The following FNBP1 variants were observed in gnomAD, a reference collection of about 807,000 sequenced individuals.
The protein encoded by FNBP1 is formin binding protein 1.
FNBP1 carries 26 observed loss-of-function variants against 90.6 expected under a neutral mutation model. The ratio of observed to expected loss-of-function variants is 0.29; its 90% CI spans 0.21 to 0.40. The LOEUF (loss-of-function observed/expected upper bound fraction) is 0.40. Ranked by LOEUF, FNBP1 falls within the 10% of genes least tolerant of loss-of-function variation. FNBP1 has a pLI of 1.00. For synonymous variants in FNBP1, 260 were observed against 265.2 expected (o/e 0.98, Z 0.19); for missense variants, 635 against 768.0 (o/e 0.83, Z 2.05).
intron 4 of FNBP1, among the ~76,000 whole-genome samples, chr9:129,964,367 G>C (rs943296380): frequency 2.6e-5 from 4 of 152,150 alleles, no homozygotes; most frequent in Non-Finnish European, 5.9e-5. Flanking sequence ...TAGAGACCCA[G>C]AGAAATGCTT....
chr9:129,905,990 T>A (rs1245866145), intron 12 of FNBP1, among the ~76,000 whole-genome samples: 1 of 151,854 alleles, frequency 6.6e-6, no homozygotes, highest in Non-Finnish European at 1.5e-5. Context: ...TTCAAGCGAC[T>A]CTCCTGCCTC....
intron 1 of FNBP1, among the ~76,000 whole-genome samples, chr9:130,038,375 G>A (rs998594671): frequency 1.6e-5 from 2 of 121,776 alleles, no homozygotes; most frequent in Non-Finnish European, 3.5e-5. Context: ...AAAAAAAAAA[G>A]ACATACAATC....
chr9:129,992,233 C>T (rs112353686), intron 2 of FNBP1, among the ~76,000 whole-genome samples: 1,986 of 152,236 alleles, frequency 0.013, 25 homozygotes, highest in Middle Eastern at 0.031. Context: ...CTTGAGAGCT[C>T]GCACGTAGCC....
intron 1 of FNBP1, chr9:130,013,765 T>C (rs533700189): frequency 8.8e-6 from 4 of 456,616 alleles, no homozygotes; most frequent in South Asian, 1.5e-5. Context: ...AAATAAAAGA[T>C]GGCAGAGCCC....
At chr9:130,049,999 G>A in the FNBP1 span, among the ~76,000 whole-genome samples, 5 of 152,134 alleles carry the variant, frequency 3.3e-5, no homozygotes, top group Non-Finnish European at 7.3e-5. Context: ...CAGTAGCTGG[G>A]AATACAGGCC....
chr9:129,915,368 T>A (rs889142496), intron 11 of FNBP1, among the ~76,000 whole-genome samples: 2 of 152,088 alleles, frequency 1.3e-5, no homozygotes, highest in African/African-American at 2.4e-5. Flanking sequence ...TTTACGTTCA[T>A]ATATATATAT....
intron 10 of FNBP1, among the ~76,000 whole-genome samples, chr9:129,916,437 G>C (rs2040264045): frequency 1.3e-5 from 2 of 152,016 alleles, no homozygotes; most frequent in Non-Finnish European, 2.9e-5. Context: ...GACCAACACG[G>C]AGAAACCCTG....
At chr9:129,896,112 C>A in intron 15 of FNBP1, 116 bp from the exon 16 acceptor site, 1 of 1,028,998 alleles carries the variant, frequency 9.7e-7, no homozygotes, top group Non-Finnish European at 1.4e-6. Context: ...CAAAATTCAC[C>A]CCACTCGGAC....
chr9:129,916,350 G>T (rs2040250825), intron 10 of FNBP1: 1 of 183,764 alleles, frequency 5.4e-6, no homozygotes, highest in African/African-American at 2.4e-5. Context: ...GGGTGCAGTG[G>T]CTCACACCTG....
At chr9:130,030,456 A>G (rs2058708718) in intron 1 of FNBP1, among the ~76,000 whole-genome samples, 1 of 152,000 alleles carries the variant, frequency 6.6e-6, no homozygotes, top group South Asian at 2.1e-4. Flanking sequence ...AAAAAAATCT[A>G]AACATAACTA....
intron 1 of FNBP1, among the ~76,000 whole-genome samples, chr9:129,996,435 C>T (rs1187864310): frequency 2.6e-5 from 4 of 152,116 alleles, no homozygotes; most frequent in Non-Finnish European, 5.9e-5. Flanking sequence ...TTTGCTGCCT[C>T]CTGAGAGGTA....
chr9:129,974,198 G>GA (rs967405417), intron 4 of FNBP1, among the ~76,000 whole-genome samples: 1 of 151,608 alleles, frequency 6.6e-6, no homozygotes, highest in Non-Finnish European at 1.5e-5. Flanking sequence ...AAGGTATGTC[G>GA]AAAAAAACTC....
At chr9:129,916,503 G>A (rs2040273698) in intron 10 of FNBP1, among the ~76,000 whole-genome samples, 2 of 151,862 alleles carry the variant, frequency 1.3e-5, no homozygotes. Context: ...TGTAATCCCA[G>A]CTATTCAGGA....
intron 1 of FNBP1, among the ~76,000 whole-genome samples, chr9:130,027,950 A>G (rs2058498910): frequency 6.6e-6 from 1 of 151,890 alleles, no homozygotes; most frequent in Non-Finnish European, 1.5e-5. Context: ...ATAGGGTCTC[A>G]TTGTGTTGCT....
Position 129,963,616 on chromosome 9 carries a change from CTTTTT to C in FNBP1, c.346-5068_346-5064del, listed in dbSNP as rs35213636. ...GATGCCCATCTTCCTTCCTTCCAGC[CTTTTT>C]TTTTTTTTTTTTTAAAAAAACAAGT... On this transcript the variant is annotated intron_variant, in intron 4 of 16. Transcript: ENST00000446176. 4.7e-3 allele frequency among the ~76,000 whole-genome samples: 541 copies of C among 115,298 alleles called. 6 individuals are homozygous for C. Among genetic ancestry groups the C allele is most frequent in the African/African-American group, 0.017 (510 of 30,428 alleles). 75.6% of individuals were successfully genotyped at this position (115,298 alleles called of 152,430 possible).
At chr9:129,907,085 G>T (rs370631852) in intron 12 of FNBP1, among the ~76,000 whole-genome samples, 13 of 147,754 alleles carry the variant, frequency 8.8e-5, no homozygotes, top group African/African-American at 2.7e-4. Flanking sequence ...GCCCAAGCAC[G>T]TTTTTTTTTT....
chr9:129,990,914 G>A (rs1380141174), intron 2 of FNBP1, among the ~76,000 whole-genome samples: 1 of 150,550 alleles, frequency 6.6e-6, no homozygotes, highest in Non-Finnish European at 1.5e-5. Context: ...GGCAGACAGA[G>A]ATGATGATGA....
At chr9:130,017,093 G>A (rs966332092) in intron 1 of FNBP1, among the ~76,000 whole-genome samples, 2 of 152,048 alleles carry the variant, frequency 1.3e-5, no homozygotes, top group Non-Finnish European at 2.9e-5. Flanking sequence ...TAAAAAAAAG[G>A]TAATTTATGA....
At chr9:129,924,104 A>T in intron 9 of FNBP1, 78 bp from the exon 10 acceptor site, 3 of 1,386,536 alleles carry the variant, frequency 2.2e-6, no homozygotes, top group Non-Finnish European at 2.9e-6. Context: ...GCATCAAATA[A>T]TATTTGAAAT....
Sources: allele counts gnomAD v4.1 joint callset (sites outside exome capture counted in the v4.1 genomes callset), GRCh38; gene constraint gnomAD v4.1.1; transcripts MANE v1.5; gene names NCBI Gene and HGNC (gene_info 2026-07-23, HGNC 2026-07-21).